The following CNTNAP2 variants were observed in gnomAD, a reference collection of about 807,000 sequenced individuals.
CNTNAP2 encodes the protein contactin associated protein 2, also known as contactin-associated protein-like 2.
CNTNAP2 carries 98 observed loss-of-function variants against 155.2 expected under a neutral mutation model. The observed-to-expected ratio is 0.63, with a 90% confidence interval of 0.54 to 0.75. CNTNAP2 has a LOEUF of 0.75. Ranked by LOEUF, CNTNAP2 falls within the 30% of genes least tolerant of loss-of-function variation. The pLI is 0.00. For synonymous variants in CNTNAP2, 651 were observed against 631.2 expected (o/e 1.03, Z -0.47); for missense variants, 1,727 against 1,688.1 (o/e 1.02, Z -0.40).
intron 1 of CNTNAP2, among the ~76,000 whole-genome samples, chr7:146,731,923 TAC>T (rs1418666767): frequency 6.6e-6 from 1 of 151,886 alleles, no homozygotes; most frequent in African/African-American, 2.4e-5. Context: ...TAGTAAAAAT[TAC>T]ATTTTTTGTC....
At chr7:147,283,121 T>A (rs984574462) in intron 8 of CNTNAP2, among the ~76,000 whole-genome samples, 1 of 151,910 alleles carries the variant, frequency 6.6e-6, no homozygotes, top group East Asian at 1.9e-4. Flanking sequence ...TACAACTATA[T>A]GCATATTTCA....
chr7:146,716,342 G>A (rs936289125), intron 1 of CNTNAP2, among the ~76,000 whole-genome samples: 1 of 151,546 alleles, frequency 6.6e-6, no homozygotes, highest in African/African-American at 2.4e-5. Context: ...GCTAAAAGAA[G>A]ATCAGAGAGG....
chr7:148,018,731 G>A (rs73466195), intron 15 of CNTNAP2, among the ~76,000 whole-genome samples: 10,428 of 152,234 alleles, frequency 0.068, 797 homozygotes, highest in African/African-American at 0.2. Context: ...GACCTTTGTC[G>A]TGGGAAGGAG....
At chr7:146,137,092 G>A (rs1797808903) in intron 1 of CNTNAP2, among the ~76,000 whole-genome samples, 1 of 152,136 alleles carries the variant, frequency 6.6e-6, no homozygotes, top group Non-Finnish European at 1.5e-5. Context: ...ATTCACCTGT[G>A]TTAGGTATTT....
intron 1 of CNTNAP2, among the ~76,000 whole-genome samples, chr7:146,334,817 A>G (rs960267974): frequency 6.6e-6 from 1 of 151,710 alleles, no homozygotes; most frequent in Non-Finnish European, 1.5e-5. Flanking sequence ...GAACCTGTTC[A>G]TGCCCCACTT....
At chr7:146,642,629 G>C (rs1387978498) in intron 1 of CNTNAP2, among the ~76,000 whole-genome samples, 2 of 151,978 alleles carry the variant, frequency 1.3e-5, no homozygotes, top group South Asian at 2.1e-4. Flanking sequence ...ACGTGTGCAT[G>C]TGTCTTTATA....
chr7:147,640,741 G>C (rs934872728), intron 13 of CNTNAP2, among the ~76,000 whole-genome samples: 6 of 152,106 alleles, frequency 3.9e-5, no homozygotes, highest in Non-Finnish European at 1.5e-5. Context: ...CAAGAAAGAA[G>C]GAAGGAGGAA....
chr7:148,331,594 A>ATGGATGGATGGAATGGACGGATGGAG lies in CNTNAP2; in HGVS notation c.3476-52053_3476-52028dup, dbSNP rs1798015147. ...TGGATGGATGGAATGGATGGATGGA[A>ATGGATGGATGGAATGGACGGATGGAG]TGGATGGATGGAATGGACGGATGGA... On this transcript the variant is annotated intron_variant, in intron 21 of 23. Coordinates refer to ENST00000361727, the MANE Select transcript of CNTNAP2 (RefSeq NM_014141.6). Among the ~76,000 whole-genome samples the ATGGATGGATGGAATGGACGGATGGAG allele has an allele frequency of 5.6e-4, 6 of 10,684 alleles. 1 individual carries two copies. The highest frequency in any genetic ancestry group is 1.5e-3 in the South Asian group (1 of 660). The allele number at this position is 10,684 out of a possible 152,430, so 7.0% of individuals were successfully genotyped here.
intron 12 of CNTNAP2, among the ~76,000 whole-genome samples, chr7:147,585,775 ATGTG>A (rs10550468): frequency 7.3e-5 from 11 of 151,326 alleles, no homozygotes; most frequent in East Asian, 1.9e-4. Context: ...GTGTATATAT[ATGTG>A]TGTGTGTGTG....
intron 15 of CNTNAP2, among the ~76,000 whole-genome samples, chr7:148,064,097 T>C (rs905058718): frequency 6.6e-6 from 1 of 152,164 alleles, no homozygotes; most frequent in Non-Finnish European, 1.5e-5. Flanking sequence ...GTATACCTAT[T>C]TTTATACCAG....
At chr7:146,542,736 TA>T (rs1343517249) in intron 1 of CNTNAP2, among the ~76,000 whole-genome samples, 1 of 152,006 alleles carries the variant, frequency 6.6e-6, no homozygotes, top group Non-Finnish European at 1.5e-5. Context: ...TAACTATAAG[TA>T]AAAATCATCT....
intron 12 of CNTNAP2, among the ~76,000 whole-genome samples, chr7:147,603,121 A>G (rs1279431950): frequency 6.6e-6 from 1 of 151,126 alleles, no homozygotes; most frequent in African/African-American, 2.4e-5. Context: ...AAGTGTTTCT[A>G]TTTCTCCACA....
chr7:147,389,540 T>C (rs189496712), intron 9 of CNTNAP2, among the ~76,000 whole-genome samples: 6 of 152,320 alleles, frequency 3.9e-5, no homozygotes, highest in African/African-American at 1.4e-4. Context: ...ACCTTGAAAA[T>C]GCTTGTGTTT....
chr7:148,413,401 A>AAAAAAAAAAAAAATATATATAT (rs1442990213), intron 23 of CNTNAP2, among the ~76,000 whole-genome samples: 5 of 45,364 alleles, frequency 1.1e-4, no homozygotes, highest in African/African-American at 5.1e-4. Flanking sequence ...TCAAAAAAAA[A>AAAAAAAAAAAAAATATATATAT]ATATATATAT....
chr7:147,442,114 G>C (rs1006682085), intron 10 of CNTNAP2, among the ~76,000 whole-genome samples: 1 of 152,132 alleles, frequency 6.6e-6, no homozygotes, highest in Non-Finnish European at 1.5e-5. Context: ...CCTAGGCCCT[G>C]GGTGGGTTCA....
At chr7:147,610,723 A>C (rs1801168322) in intron 12 of CNTNAP2, among the ~76,000 whole-genome samples, 1 of 152,066 alleles carries the variant, frequency 6.6e-6, no homozygotes, top group Non-Finnish European at 1.5e-5. Flanking sequence ...AAACAGGAGC[A>C]TCTGGCATGT....
At chr7:146,527,537 AT>A (rs1797708679) in intron 1 of CNTNAP2, among the ~76,000 whole-genome samples, 1 of 150,090 alleles carries the variant, frequency 6.7e-6, no homozygotes, top group African/African-American at 2.5e-5. Flanking sequence ...TTGTAAGGGT[AT>A]ATATAGACCA....
At chr7:146,748,535 G>A (rs1027759016) in intron 1 of CNTNAP2, among the ~76,000 whole-genome samples, 3 of 152,052 alleles carry the variant, frequency 2.0e-5, no homozygotes, top group Admixed American at 2.0e-4. Context: ...TGAACAAAAA[G>A]GCAATTAAAA....
intron 14 of CNTNAP2, among the ~76,000 whole-genome samples, chr7:147,956,773 T>C (rs964305927): frequency 1.3e-5 from 2 of 152,306 alleles, no homozygotes; most frequent in African/African-American, 4.8e-5. Context: ...CTACTTAGAT[T>C]GATCCCATTT....
Sources: gnomAD v4.1 joint callset for allele counts (sites outside exome capture counted in the v4.1 genomes callset) on GRCh38, gnomAD v4.1.1 for gene constraint, MANE v1.5 for transcripts, NCBI Gene and HGNC (gene_info 2026-07-23, HGNC 2026-07-21) for gene names.